CFAP299: variants seen among roughly 807,000 people sequenced by gnomAD.
The protein encoded by CFAP299 is cilia- and flagella-associated protein 299.
In CFAP299, 21 loss-of-function variants were observed where a neutral mutation model predicts 27.0. That is an observed-to-expected ratio of 0.78 (90% CI 0.55 to 1.12). The LOEUF (loss-of-function observed/expected upper bound fraction) is 1.12. CFAP299 is among the 50% of genes most tolerant of loss of function. The pLI is 0.00. For missense variants in CFAP299, 310 were observed against 276.6 expected (o/e 1.12, Z -0.86); for synonymous variants, 104 against 98.1 (o/e 1.06, Z -0.36).
chr4:80,867,590 G>A (rs1261487726), intron 3 of CFAP299, among the ~76,000 whole-genome samples: 1 of 152,176 alleles, frequency 6.6e-6, no homozygotes, highest in Admixed American at 6.5e-5. Context: ...GGCAGATTTG[G>A]TTTCTTAGGA....
At chr4:80,368,591 C>G (rs549608471) in intron 2 of CFAP299, among the ~76,000 whole-genome samples, 1 of 151,998 alleles carries the variant, frequency 6.6e-6, no homozygotes, top group African/African-American at 2.4e-5. Context: ...GAGTTCAAGA[C>G]CAGCCTGGGC....
At chr4:80,379,134 A>T (rs1290460928) in intron 2 of CFAP299, among the ~76,000 whole-genome samples, 4 of 152,084 alleles carry the variant, frequency 2.6e-5, no homozygotes, top group Non-Finnish European at 5.9e-5. Flanking sequence ...AATAGGGAAA[A>T]TCAGGTTCTT....
chr4:80,535,269 T>C (rs1244696697), intron 2 of CFAP299, among the ~76,000 whole-genome samples: 3 of 152,076 alleles, frequency 2.0e-5, no homozygotes, highest in Non-Finnish European at 4.4e-5. Context: ...AATACCATGA[T>C]ACCTGAAAGG....
chr4:80,388,249 C>T lies in CFAP299; in HGVS notation c.242+25365C>T, dbSNP rs1383585739. On this transcript the variant is annotated intron_variant, in intron 2 of 5. Transcript: ENST00000358105. ...GGCTGCTCTGCACAGGTCGCGGGCC[C>T]TAGGGCATGGGCTGGTCCAGGGATG... 5 of 691,946 alleles carry T rather than the reference C, an allele frequency of 7.2e-6. No individual in the cohort carries two copies. In the East Asian group the frequency reaches 1.3e-4, roughly 18 times the overall value. The allele number at this position is 691,946 out of a possible 1,614,324, so 42.9% of individuals were successfully genotyped here. A position where few individuals can be genotyped will look rare whatever the true frequency, so the allele number is the denominator to read the frequency against.
At chr4:80,891,082 A>G (rs1734249079) in intron 4 of CFAP299, among the ~76,000 whole-genome samples, 1 of 150,914 alleles carries the variant, frequency 6.6e-6, no homozygotes, top group African/African-American at 2.4e-5. Context: ...CCATTTGTCA[A>G]TTTTGGCTTT....
intron 3 of CFAP299, among the ~76,000 whole-genome samples, chr4:80,744,452 C>T (rs559270392): frequency 1.3e-5 from 2 of 152,078 alleles, no homozygotes; most frequent in Non-Finnish European, 2.9e-5. Flanking sequence ...TGGATAGACA[C>T]TCATCTTCAC....
At chr4:80,542,185 C>A (rs1256768319) in intron 2 of CFAP299, among the ~76,000 whole-genome samples, 2 of 152,150 alleles carry the variant, frequency 1.3e-5, no homozygotes, top group Non-Finnish European at 2.9e-5. Flanking sequence ...GGCCTTCAAT[C>A]TCTGACTGAG....
chr4:80,903,186 G>T (rs1735013828), intron 4 of CFAP299, among the ~76,000 whole-genome samples: 1 of 151,882 alleles, frequency 6.6e-6, no homozygotes, highest in South Asian at 2.1e-4. Context: ...TGCTGCACTG[G>T]GCCACTCTGA....
intron 3 of CFAP299, among the ~76,000 whole-genome samples, chr4:80,693,244 A>G (rs1285816561): frequency 6.6e-6 from 1 of 152,174 alleles, no homozygotes; most frequent in Non-Finnish European, 1.5e-5. Flanking sequence ...AGACACATGT[A>G]CACGTATGTT....
At chr4:80,361,317 A>C (rs1441247367) in intron 1 of CFAP299, among the ~76,000 whole-genome samples, 1 of 152,238 alleles carries the variant, frequency 6.6e-6, no homozygotes, top group Admixed American at 6.5e-5. Flanking sequence ...TTTATTATGC[A>C]AAATTCTATG....
upstream of CFAP299, among the ~76,000 whole-genome samples, chr4:80,333,040 T>C (rs1490774727): frequency 6.6e-6 from 1 of 152,180 alleles, no homozygotes; most frequent in Non-Finnish European, 1.5e-5. Context: ...CAGACATCTG[T>C]CAACCCCAGT....
chr4:80,704,453 A>T (rs1327053907), intron 3 of CFAP299, among the ~76,000 whole-genome samples: 1 of 151,702 alleles, frequency 6.6e-6, no homozygotes, highest in Non-Finnish European at 1.5e-5. Flanking sequence ...TGCAGAGTTA[A>T]ATTGAAGACC....
intron 4 of CFAP299, chr4:80,870,512 G>A (rs1733018972): frequency 1.0e-6 from 1 of 992,798 alleles, no homozygotes; most frequent in Non-Finnish European, 1.2e-6. Flanking sequence ...ACCAGCCAAA[G>A]TGCTGGCCCC....
intron 4 of CFAP299, among the ~76,000 whole-genome samples, chr4:80,941,888 A>G (rs1344497035): frequency 1.3e-5 from 2 of 152,176 alleles, no homozygotes; most frequent in Non-Finnish European, 2.9e-5. Context: ...CTCAGTCACT[A>G]TTGTGAGGAC....
intron 3 of CFAP299, among the ~76,000 whole-genome samples, chr4:80,631,859 G>GCC (rs34119726): frequency 0.05 from 1,048 of 21,040 alleles, 170 homozygotes; most frequent in East Asian, 0.12. Flanking sequence ...GAATATTTGT[G>GCC]CCCCACCCCC....
chr4:80,800,478 T>A (rs868389047), intron 3 of CFAP299, among the ~76,000 whole-genome samples: 2 of 3,518 alleles, frequency 5.7e-4, no homozygotes, highest in African/African-American at 9.5e-4. Context: ...ATATAATATA[T>A]TATATAATAT....
intron 4 of CFAP299, among the ~76,000 whole-genome samples, chr4:80,923,338 C>A (rs1253607055): frequency 6.6e-6 from 1 of 152,072 alleles, no homozygotes; most frequent in Non-Finnish European, 1.5e-5. Context: ...CCTTCCACTG[C>A]ATCCTTTCAC....
intron 3 of CFAP299, among the ~76,000 whole-genome samples, chr4:80,734,049 C>G (rs186485876): frequency 6.6e-6 from 1 of 152,168 alleles, no homozygotes; most frequent in Admixed American, 6.6e-5. Flanking sequence ...CCATACTGTT[C>G]TCCAGAGTGG....
At chr4:80,669,131 G>T (rs927928616) in intron 3 of CFAP299, among the ~76,000 whole-genome samples, 1,269 of 46,010 alleles carry the variant, frequency 0.028, 218 homozygotes, top group Middle Eastern at 0.05. Context: ...TTTCTTTTCT[G>T]TCTTTCTTTC....
Sources: allele counts gnomAD v4.1 joint callset (sites outside exome capture counted in the v4.1 genomes callset), GRCh38; gene constraint gnomAD v4.1.1; transcripts MANE v1.5; gene names NCBI Gene and HGNC (gene_info 2026-07-23, HGNC 2026-07-21).